Variants in APBA2 observed in about 807,000 individuals in gnomAD.
APBA2 encodes the protein amyloid beta precursor protein binding family A member 2.
APBA2 carries 30 observed loss-of-function variants against 75.0 expected under a neutral mutation model. The observed-to-expected ratio is 0.40, with a 90% CI of 0.30 to 0.54. The LOEUF (loss-of-function observed/expected upper bound fraction) is 0.54. APBA2 is among the 20% of genes least tolerant of loss of function. The pLI is 0.49. For synonymous variants in APBA2, 444 were observed against 409.6 expected (o/e 1.08, Z -1.01); for missense variants, 801 against 1,016.1 (o/e 0.79, Z 2.88).
chr15:29,054,540 T>C lies in APBA2; in HGVS notation c.656T>C (p.Leu219Pro), dbSNP rs528235048. The stretch of plus-strand genomic sequence containing the variant: ...CGCCTGAGGCGTGGGGATGGGGACC[T>C]GGAGGACCAGGAGGAGGACATTGAC... ...PYRLRRGDGD[L>P]EDQEEDIDQI... Residue 219 changes from leucine (L) to proline (P), a missense_variant, in exon 4 of 15, where the codon CTG becomes CCG. Around this residue, in one of 2 missense-constraint regions of APBA2, gnomAD observed 434 missense variants for 471.6 expected, o/e 0.92. Coordinates refer to ENST00000683413, the MANE Select transcript of APBA2 (RefSeq NM_001353788.2). This position sits in a 1 kb window ranked among gnomAD's most constrained non-coding sequence, Gnocchi z 6.1. 11 of 1,613,604 alleles carry C rather than the reference T, an allele frequency of 6.8e-6. No individual in the cohort carries two copies. The South Asian group carries it at 9.9e-5, about 15-fold the overall frequency.
chr15:29,112,100 C>T lies in APBA2; in HGVS notation c.2038-1776C>T, dbSNP rs141295478. Among the ~76,000 whole-genome samples, 637 of 152,318 alleles carry T rather than the reference C, an allele frequency of 4.2e-3. 8 individuals are homozygous for T. The highest frequency in any genetic ancestry group is 0.014 in the African/African-American group (593 of 41,574). The stretch of plus-strand genomic sequence containing the variant: ...AGTGAAGCTCTCACCTGTGTCCTCC[C>T]GTCCTTGCCAGGCCCTTCGCCTGAA... On this transcript the variant is annotated intron_variant, in intron 13 of 14. Transcript: ENST00000683413.
intron 4 of APBA2, among the ~76,000 whole-genome samples, chr15:29,074,532 A>G (rs1296985792): frequency 6.6e-6 from 1 of 152,110 alleles, no homozygotes; most frequent in Non-Finnish European, 1.5e-5. Context: ...GAGTTTGTTT[A>G]ATGGGTACAG....
chr15:28,956,533 T>C (rs1376274642), intron 2 of APBA2, among the ~76,000 whole-genome samples: 1 of 152,232 alleles, frequency 6.6e-6, no homozygotes, highest in Admixed American at 6.5e-5. Flanking sequence ...CTTTTTAAAA[T>C]TAAATACTAT....
At chr15:29,077,070 TATC>T (rs2042883080) in intron 6 of APBA2, among the ~76,000 whole-genome samples, 1 of 152,224 alleles carries the variant, frequency 6.6e-6, no homozygotes, top group African/African-American at 2.4e-5. Flanking sequence ...TCAGAATTAA[TATC>T]ATGCAATTGA....
chr15:29,035,906 A>C (rs2040723295), intron 3 of APBA2, among the ~76,000 whole-genome samples: 1 of 152,166 alleles, frequency 6.6e-6, no homozygotes, highest in South Asian at 2.1e-4. Flanking sequence ...TCTGAAGCTG[A>C]ATATGGACCC....
intron 2 of APBA2, among the ~76,000 whole-genome samples, chr15:28,982,771 T>C (rs926702027): frequency 1.3e-5 from 2 of 152,190 alleles, no homozygotes; most frequent in Non-Finnish European, 2.9e-5. Context: ...ACGTTGATGA[T>C]GTCTTCAGCG....
intron 1 of APBA2, among the ~76,000 whole-genome samples, chr15:28,905,824 A>G (rs1054977031): frequency 6.6e-6 from 1 of 152,234 alleles, no homozygotes; most frequent in African/African-American, 2.4e-5. Flanking sequence ...CTGGCGTCTA[A>G]CATGCTAGAT....
chr15:29,090,849 T>TGAGG (rs2043528683), intron 6 of APBA2, among the ~76,000 whole-genome samples: 14 of 152,074 alleles, frequency 9.2e-5, no homozygotes, highest in Admixed American at 8.5e-4. Flanking sequence ...GCTGGGAGCC[T>TGAGG]TCCCAGCCCC....
chr15:28,954,457 T>G (rs1290293606), intron 2 of APBA2, among the ~76,000 whole-genome samples: 1 of 152,212 alleles, frequency 6.6e-6, no homozygotes, highest in Non-Finnish European at 1.5e-5. Context: ...CTTCTTCGTG[T>G]TGGTTCCAAC....
At chr15:29,030,408 G>A (rs920599367) in intron 3 of APBA2, among the ~76,000 whole-genome samples, 9 of 152,136 alleles carry the variant, frequency 5.9e-5, no homozygotes, top group Admixed American at 5.2e-4. Flanking sequence ...CTTGCAGTGA[G>A]CCGAGATGGC....
At chr15:29,115,562 C>T (rs970275023) in intron 14 of APBA2, among the ~76,000 whole-genome samples, 8 of 152,240 alleles carry the variant, frequency 5.3e-5, no homozygotes, top group African/African-American at 1.9e-4. Flanking sequence ...GGCGGGAGAA[C>T]GGGGAAGAGG....
intron 2 of APBA2, among the ~76,000 whole-genome samples, chr15:28,935,153 G>T (rs1328245455): frequency 1.3e-5 from 2 of 152,206 alleles, no homozygotes; most frequent in African/African-American, 4.8e-5. Flanking sequence ...GGTTTCTTTG[G>T]ATTTTTATGC....
intron 3 of APBA2, among the ~76,000 whole-genome samples, chr15:29,005,052 C>A (rs755671693): frequency 6.6e-6 from 1 of 152,076 alleles, no homozygotes; most frequent in African/African-American, 2.4e-5. Context: ...TTTCTAACAA[C>A]CCCCCAGGTG....
chr15:28,921,754 G>A lies in APBA2; in HGVS notation c.-95+5G>A, dbSNP rs1160894973. 1.3e-5 allele frequency: 2 copies of A among 152,244 alleles called. No homozygotes were observed. The highest frequency in any genetic ancestry group is 3.8e-4 in the East Asian group (2 of 5,202). 9.4% of individuals were successfully genotyped at this position (152,244 alleles called of 1,614,324 possible). ...TCTTGTGTCTGGAGATTCTGAGTGA[G>A]TAGAACCCGTTATGATCCCCACTGC... On this transcript the variant is annotated splice_donor_5th_base_variant and intron_variant, in intron 2 of 14. Transcript: ENST00000683413.
Position 28,897,718 on chromosome 15 carries a change from C to T in APBA2, c.-205+11440C>T, listed in dbSNP as rs566331004. On this transcript the variant is annotated intron_variant, in intron 1 of 14. Transcript: ENST00000683413. The stretch of plus-strand genomic sequence containing the variant: ...CTGATTGTTGGTCAGAGTAGACATT[C>T]GTACAACTGCTTTGGGAAGCTTTTT... Among the ~76,000 whole-genome samples, 26 of 151,370 alleles carry T rather than the reference C, an allele frequency of 1.7e-4. No homozygotes were observed. In the South Asian group the frequency reaches 4.0e-3, roughly 23 times the overall value.
intron 4 of APBA2, among the ~76,000 whole-genome samples, chr15:29,057,139 T>TA (rs897671469): frequency 3.1e-4 from 47 of 149,360 alleles, no homozygotes; most frequent in African/African-American, 9.5e-4. Context: ...GAGGCTGCAG[T>TA]AAAAAAAAAA....
intron 1 of APBA2, among the ~76,000 whole-genome samples, chr15:28,900,230 GA>G (rs1471749322): frequency 4.6e-5 from 7 of 152,184 alleles, no homozygotes; most frequent in Admixed American, 1.3e-4. Flanking sequence ...CATCAGACCT[GA>G]ACAGCCTGGC....
chr15:29,081,694 C>T (rs1040169931), intron 6 of APBA2, among the ~76,000 whole-genome samples: 1 of 152,170 alleles, frequency 6.6e-6, no homozygotes, highest in Non-Finnish European at 1.5e-5. Context: ...TTAGCTTTTT[C>T]CTTTCTTGCT....
intron 2 of APBA2, among the ~76,000 whole-genome samples, chr15:28,932,627 G>A (rs961524844): frequency 2.0e-5 from 3 of 152,214 alleles, no homozygotes; most frequent in Admixed American, 6.5e-5. Context: ...GTCCCATCTC[G>A]CCAGCAGAAG....
Sources: gnomAD v4.1 joint callset for allele counts (sites outside exome capture counted in the v4.1 genomes callset) on GRCh38, gnomAD v4.1.1 for gene constraint, gnomAD v4.1.1 regional missense constraint, Gnocchi (gnomAD v3.1) non-coding constraint, MANE v1.5 for transcripts, NCBI Gene and HGNC (gene_info 2026-07-23, HGNC 2026-07-21) for gene names.